Variants in ATP6V0D2 observed in about 807,000 individuals in gnomAD.
The protein encoded by ATP6V0D2 is ATPase H+ transporting V0 subunit d2.
Under a neutral mutation model 40.0 loss-of-function variants are expected in ATP6V0D2, and 40 were observed. That is an observed-to-expected ratio of 1.00 (90% CI 0.78 to 1.30). The LOEUF (loss-of-function observed/expected upper bound fraction) is 1.30, where lower values mean the gene tolerates loss of function less well. Among genes scored for constraint, ATP6V0D2 ranks in the 50% most tolerant of loss-of-function variants. The pLI, the probability that ATP6V0D2 is intolerant of heterozygous loss-of-function variation, is 0.00. For synonymous variants in ATP6V0D2, 179 were observed against 156.3 expected, an observed-to-expected ratio of 1.15 and a Z score of -1.08; for missense variants, 470 against 423.1, an observed-to-expected ratio of 1.11 and a Z score of -0.97.
chr8:86,113,959 A>C (rs1020104857), intron 2 of ATP6V0D2, 79 bp downstream of exon 2: 4 of 1,325,388 alleles, frequency 3.0e-6, no homozygotes, highest in Admixed American at 2.4e-5. Context: ...GTGGGTATCA[A>C]GCCAGAGTGA....
chr8:86,103,291 ATT>A (rs938035037), intron 1 of ATP6V0D2, among the ~76,000 whole-genome samples: 38 of 107,358 alleles, frequency 3.5e-4, no homozygotes, highest in Admixed American at 4.4e-4. Flanking sequence ...CTAGTTTTGT[ATT>A]TTTTTTTTTT....
intron 2 of ATP6V0D2, among the ~76,000 whole-genome samples, chr8:86,123,437 G>A (rs898369270): frequency 1.3e-5 from 2 of 152,148 alleles, no homozygotes; most frequent in African/African-American, 4.8e-5. Flanking sequence ...TATATCTTAG[G>A]AAGATGATTT....
chr8:86,119,768 T>G (rs556924309), intron 2 of ATP6V0D2, among the ~76,000 whole-genome samples: 4 of 152,336 alleles, frequency 2.6e-5, no homozygotes, highest in African/African-American at 9.6e-5. Flanking sequence ...AAGGTGGTTT[T>G]GGTAGTATCA....
At chr8:86,126,239 T>TATATATATATATATATATATAC (rs1554588442) in intron 2 of ATP6V0D2, among the ~76,000 whole-genome samples, 1 of 77,472 alleles carries the variant, frequency 1.3e-5, no homozygotes, top group Middle Eastern at 4.5e-3. Flanking sequence ...GCTCAGCCTA[T>TATATATATATATATATATATAC]ATATATATAT....
At chr8:86,114,143 A>G (rs1818564856) in intron 2 of ATP6V0D2, among the ~76,000 whole-genome samples, 1 of 152,132 alleles carries the variant, frequency 6.6e-6, no homozygotes, top group Admixed American at 6.6e-5. Flanking sequence ...TTCATTTAAA[A>G]AAAAAAAGTG....
chr8:86,131,000 TTAGAGA>T (rs1207827181), intron 2 of ATP6V0D2, among the ~76,000 whole-genome samples: 1 of 152,086 alleles, frequency 6.6e-6, no homozygotes, highest in Non-Finnish European at 1.5e-5. Flanking sequence ...GGATTTTATC[TTAGAGA>T]TAAATAACAG....
At chr8:86,141,227 G>A (rs1818966835) in intron 3 of ATP6V0D2, among the ~76,000 whole-genome samples, 1 of 152,182 alleles carries the variant, frequency 6.6e-6, no homozygotes, top group Non-Finnish European at 1.5e-5. Flanking sequence ...GTGGCCTGGG[G>A]GTTGGGGACC....
intron 5 of ATP6V0D2, among the ~76,000 whole-genome samples, chr8:86,148,425 A>T (rs1006558573): frequency 6.6e-6 from 1 of 152,206 alleles, no homozygotes; most frequent in African/African-American, 2.4e-5. Context: ...CTGTTCTTAC[A>T]TAGGATTTCC....
chr8:86,106,035 A>G (rs1261630129), intron 1 of ATP6V0D2, among the ~76,000 whole-genome samples: 1 of 151,996 alleles, frequency 6.6e-6, no homozygotes, highest in East Asian at 1.9e-4. Context: ...AAATATCTAC[A>G]TATTGGGTTC....
intron 2 of ATP6V0D2, among the ~76,000 whole-genome samples, chr8:86,134,067 G>A (rs1034184174): frequency 6.6e-6 from 1 of 152,064 alleles, no homozygotes; most frequent in Non-Finnish European, 1.5e-5. Context: ...AATCTTGAAA[G>A]CTATGGGAAA....
chr8:86,124,670 T>G (rs1444978823), intron 2 of ATP6V0D2, among the ~76,000 whole-genome samples: 1 of 152,156 alleles, frequency 6.6e-6, no homozygotes, highest in African/African-American at 2.4e-5. Flanking sequence ...ATCGTAATTA[T>G]ATACAATATA....
At chr8:86,127,420 A>G (rs983447390) in intron 2 of ATP6V0D2, among the ~76,000 whole-genome samples, 4 of 151,928 alleles carry the variant, frequency 2.6e-5, no homozygotes, top group Admixed American at 2.0e-4. Context: ...TCACACACAC[A>G]CACCGATCCT....
intron 2 of ATP6V0D2, among the ~76,000 whole-genome samples, chr8:86,117,142 T>G (rs1451241127): frequency 1.3e-5 from 2 of 152,208 alleles, no homozygotes; most frequent in Non-Finnish European, 2.9e-5. Context: ...TTATATATTT[T>G]AATTTTTATA....
At chr8:86,127,406 C>G (rs1818758992) in intron 2 of ATP6V0D2, among the ~76,000 whole-genome samples, 1 of 151,950 alleles carries the variant, frequency 6.6e-6, no homozygotes. Context: ...ATGAAAGGTG[C>G]CTTTCACACA....
chr8:86,133,620 C>T (rs1189206615), intron 2 of ATP6V0D2, among the ~76,000 whole-genome samples: 1 of 151,942 alleles, frequency 6.6e-6, no homozygotes, highest in African/African-American at 2.4e-5. Flanking sequence ...CGCGCCTGGC[C>T]ACAAGCAGAA....
chr8:86,114,013 C>T, intron 2 of ATP6V0D2, 133 bp downstream of exon 2: 1 of 826,286 alleles, frequency 1.2e-6, no homozygotes, highest in Non-Finnish European at 1.7e-6. Flanking sequence ...AATTCATTCA[C>T]ATTTTAGCAA....
intron 2 of ATP6V0D2, among the ~76,000 whole-genome samples, chr8:86,125,001 T>C (rs1818721166): frequency 6.6e-6 from 1 of 152,184 alleles, no homozygotes; most frequent in South Asian, 2.1e-4. Context: ...AAGGAGGTGA[T>C]GCCCAAGCTA....
At chr8:86,111,110 T>C (rs1818523720) in intron 1 of ATP6V0D2, among the ~76,000 whole-genome samples, 1 of 152,124 alleles carries the variant, frequency 6.6e-6, no homozygotes, top group African/African-American at 2.4e-5. Context: ...CTGAGTTTTG[T>C]ATCCTTTGAC....
intron 2 of ATP6V0D2, among the ~76,000 whole-genome samples, chr8:86,119,232 C>CTTTTTTT (rs35945978): frequency 2.4e-5 from 3 of 125,966 alleles, no homozygotes; most frequent in Non-Finnish European, 3.2e-5. Flanking sequence ...ATCATAGGAT[C>CTTTTTTT]TTTTTTTTTT....
Sources: gnomAD v4.1 joint callset for allele counts (sites outside exome capture counted in the v4.1 genomes callset) on GRCh38, gnomAD v4.1.1 for gene constraint, MANE v1.5 for transcripts, NCBI Gene and HGNC (gene_info 2026-07-23, HGNC 2026-07-21) for gene names.